Variants in EEA1 observed in about 807,000 individuals in gnomAD.
EEA1 encodes early endosome antigen 1, 162kD.
In EEA1, 111 loss-of-function variants were observed where a neutral mutation model predicts 209.2. The observed-to-expected ratio is 0.53, with a 90% CI of 0.45 to 0.62. The LOEUF is 0.62. EEA1 is among the 20% of genes least tolerant of loss of function. The pLI, the probability that EEA1 is intolerant of heterozygous loss-of-function variation, is 0.00. For synonymous variants in EEA1, 536 were observed against 540.6 expected, an observed-to-expected ratio of 0.99 and a Z score of 0.12; for missense variants, 1,343 against 1,530.8, an observed-to-expected ratio of 0.88 and a Z score of 2.05.
intron 3 of EEA1, chr12:92,858,268 G>A: frequency 1.4e-6 from 1 of 730,466 alleles, no homozygotes; most frequent in Admixed American, 1.8e-5. Flanking sequence ...GCTAAAACTG[G>A]AATGATCCTT....
At chr12:92,825,311 C>T (rs1398253830) in intron 13 of EEA1, among the ~76,000 whole-genome samples, 1 of 151,972 alleles carries the variant, frequency 6.6e-6, no homozygotes, top group Non-Finnish European at 1.5e-5. Context: ...ATTAGCCGGG[C>T]ACGGTGGCGG....
intron 20 of EEA1, among the ~76,000 whole-genome samples, chr12:92,800,303 A>G (rs986905348): frequency 2.0e-5 from 3 of 152,156 alleles, no homozygotes; most frequent in Non-Finnish European, 2.9e-5. Context: ...TGTTTGTACA[A>G]TCCACTAGGA....
rs1329619335 is a variant in EEA1, at chr12:92,857,330, C to G, written c.311G>C (p.Trp104Ser). 2 of 1,589,132 alleles carry G rather than the reference C, an allele frequency of 1.3e-6. No individual in the cohort carries two copies. Among genetic ancestry groups the G allele is most frequent in the Admixed American group, 3.6e-5 (2 of 55,740 alleles). Reference protein sequence around the residue: ...DLQASLKEEKWYSEELKKELE... With the variant: ...DLQASLKEEKSYSEELKKELE... ...TTCCTTCTTTAATTCTTCCGAGTAC[C>G]ATTTTTCTTCCTAATAAAAAAGATT... is the stretch of plus-strand genomic sequence containing the variant. Residue 104 changes from tryptophan to serine, a missense_variant, in exon 5 of 29, where the codon TGG (tryptophan) becomes TCG (serine). By Grantham distance (177) the Trp-to-Ser change is radical. This residue lies in a region of EEA1 where 1,307 missense variants were observed against 1,465.5 expected (regional missense o/e 0.89). Coordinates refer to ENST00000322349, the MANE Select transcript of EEA1 (RefSeq NM_003566.4).
At chr12:92,905,778 T>A (rs973463913) in intron 1 of EEA1, among the ~76,000 whole-genome samples, 1 of 152,172 alleles carries the variant, frequency 6.6e-6, no homozygotes, top group Non-Finnish European at 1.5e-5. Context: ...AAAATGTTAT[T>A]GTTTACTTAT....
chr12:92,779,053 C>A, intron 25 of EEA1, 62 bp downstream of exon 25: 1 of 1,402,186 alleles, frequency 7.1e-7, no homozygotes, highest in South Asian at 1.5e-5. Flanking sequence ...TAGAACAGTC[C>A]TCTCACTGGA....
At chr12:92,902,404 G>A (rs952568460) in intron 1 of EEA1, among the ~76,000 whole-genome samples, 3 of 152,160 alleles carry the variant, frequency 2.0e-5, no homozygotes, top group Non-Finnish European at 2.9e-5. Context: ...CTTAGTAAGC[G>A]GGGCAAGGCA....
chr12:92,921,671 G>A (rs1257701233), intron 1 of EEA1, among the ~76,000 whole-genome samples: 1 of 136,932 alleles, frequency 7.3e-6, no homozygotes, highest in Non-Finnish European at 1.5e-5. Flanking sequence ...AGTGGGTGCA[G>A]CGCACCAGCA....
rs1207536113 is a variant in EEA1, at chr12:92,777,552, T to C, written c.4005A>G (p.Gln1335=). The change falls in exon 27 of 29, where the codon CAA becomes CAG. Residue 1335 remains glutamine, a synonymous_variant. Transcript: ENST00000322349. ...TCCATAGGTGACTGACCTGAAGTGA[T>C]TGGTTTTCTCTGCCCAGCTCCTGCA... is the stretch of plus-strand genomic sequence containing the variant. ...AAVQELGREN[Q]SLQIKHTQAL... 2 of 1,611,618 alleles carry C rather than the reference T, an allele frequency of 1.2e-6. No homozygotes were observed. Among genetic ancestry groups the C allele is most frequent in the Non-Finnish European group, 8.5e-7 (1 of 1,178,410 alleles).
At position 92,775,834 on chromosome 12, in the gene EEA1, C is replaced by A. The variant is rs1016793683; in HGVS notation, c.*177G>T. On this transcript the variant is annotated 3_prime_UTR_variant, in exon 29 of 29. Transcript: ENST00000322349. ...GTAATGAAAGATGATAAGCCCAAGT[C>A]TCACAAAAATAGAAGAGTTTTACTT... is the stretch of plus-strand genomic sequence containing the variant. 106 of 516,308 alleles carry A rather than the reference C, an allele frequency of 2.1e-4. No homozygotes were observed. Among genetic ancestry groups the A allele is most frequent in the Non-Finnish European group, 3.1e-4 (102 of 330,240 alleles). 32.0% of individuals were successfully genotyped at this position (516,308 alleles called of 1,614,324 possible).
chr12:92,864,659 T>G (rs770378938), intron 3 of EEA1, among the ~76,000 whole-genome samples: 1 of 152,162 alleles, frequency 6.6e-6, no homozygotes, highest in Non-Finnish European at 1.5e-5. Context: ...TGTACCGTAT[T>G]GTACTTGCTG....
Position 92,897,707 on chromosome 12 carries a change from T to C in EEA1, c.25-5986A>G, listed in dbSNP as rs138061442. On this transcript the variant is annotated intron_variant, in intron 1 of 28. Coordinates refer to ENST00000322349, the MANE Select transcript of EEA1 (RefSeq NM_003566.4). ...AGTCACGACCCTCTACCAGTGACAA[T>C]AGGAAGGCTGAGGCAGGAGGATCAC... Among the ~76,000 whole-genome samples the C allele has an allele frequency of 1.1e-3, 162 of 152,144 alleles. 3 individuals carry two copies. Among genetic ancestry groups the C allele is most frequent in the African/African-American group, 3.6e-3 (148 of 41,504 alleles).
chr12:92,809,269 ATTTATTATAAT>A, intron 17 of EEA1, 113 bp from the exon 18 acceptor site: 1 of 701,876 alleles, frequency 1.4e-6, no homozygotes, highest in Non-Finnish European at 2.0e-6. Flanking sequence ...ACAAAAAAAA[ATTTATTATAAT>A]AAAAAACATA....
chr12:92,921,836 C>G (rs1435530826), intron 1 of EEA1, among the ~76,000 whole-genome samples: 4 of 136,186 alleles, frequency 2.9e-5, no homozygotes, highest in Non-Finnish European at 6.2e-5. Flanking sequence ...CCACTGTACT[C>G]CAGCCTGGCG....
chr12:92,809,096 G>T lies in EEA1; in HGVS notation c.2260C>A (p.Gln754Lys). 1 of 1,607,102 alleles carries T rather than the reference G, an allele frequency of 6.2e-7. No homozygotes were observed. The highest frequency in any genetic ancestry group is 2.3e-5 in the East Asian group (1 of 44,400). Residue 754 changes from glutamine to lysine, a missense_variant, in exon 18 of 29, where the codon CAA becomes AAA. By Grantham distance (53) the Gln-to-Lys change is moderately conservative. Coordinates refer to ENST00000322349, the MANE Select transcript of EEA1 (RefSeq NM_003566.4). ...TCTGTGTTCAGCTGTCTTTGCTGTT[G>T]TAGATCTTGCAAAGCCTGCTCCTTG... ...ASKEQALQDL[Q>K]QQRQLNTDLE...
At chr12:92,921,098 G>A (rs1364950793) in intron 1 of EEA1, among the ~76,000 whole-genome samples, 110 of 152,232 alleles carry the variant, frequency 7.2e-4, no homozygotes, top group African/African-American at 2.4e-3. Flanking sequence ...GTCAGGAAAC[G>A]AGAGGTGCTG....
intron 13 of EEA1, among the ~76,000 whole-genome samples, chr12:92,822,785 T>C (rs1427681412): frequency 6.6e-6 from 1 of 152,210 alleles, no homozygotes; most frequent in Non-Finnish European, 1.5e-5. Context: ...TTAACATATA[T>C]AGCACGATTC....
At chr12:92,845,937 T>TA (rs1877373751) in intron 9 of EEA1, among the ~76,000 whole-genome samples, 2 of 152,204 alleles carry the variant, frequency 1.3e-5, no homozygotes, top group Non-Finnish European at 2.9e-5. Flanking sequence ...TTAGATCCTA[T>TA]AAAAAGTTTG....
At chr12:92,891,569 C>T (rs545007961) in intron 2 of EEA1, 60 bp downstream of exon 2, 2 of 1,292,992 alleles carry the variant, frequency 1.5e-6, no homozygotes, top group Admixed American at 4.2e-5. Context: ...ATCGTTACAC[C>T]AAATATTTGC....
chr12:92,798,951 G>T lies in EEA1; in HGVS notation c.2908C>A (p.Gln970Lys). Reference protein sequence around the residue: ...NINELKQSSEQKKKQIEALQG... With the variant: ...NINELKQSSEKKKKQIEALQG... ...AGTGCTTCAATTTGTTTTTTCTTCT[G>T]TTCACTTGATTGCTTTAGCTCATTT... Residue 970 changes from glutamine to lysine, a missense_variant, in exon 21 of 29, where the codon CAG becomes AAG. Around this residue, in one of 3 missense-constraint regions of EEA1, gnomAD observed 1,307 missense variants for 1,465.5 expected, o/e 0.89. Transcript: ENST00000322349. 1 of 1,610,520 alleles carries T rather than the reference G, an allele frequency of 6.2e-7. No individual in the cohort carries two copies.
Sources: allele counts gnomAD v4.1 joint callset (sites outside exome capture counted in the v4.1 genomes callset), GRCh38; gene constraint gnomAD v4.1.1; regional missense constraint gnomAD v4.1.1; transcripts MANE v1.5; gene names NCBI Gene and HGNC (gene_info 2026-07-23, HGNC 2026-07-21).